Variants in PSMA6 observed in about 807,000 individuals in gnomAD.
The protein encoded by PSMA6 is proteasome subunit alpha type-6.
For missense variants in PSMA6, 170 were observed against 294.8 expected (o/e 0.58, Z 3.10); for synonymous variants, 88 against 97.7 (o/e 0.90, Z 0.59).
At chr14:35,308,191 G>C in intron 2 of PSMA6, 103 bp downstream of exon 2, 1 of 1,470,518 alleles carries the variant, frequency 6.8e-7, no homozygotes, top group East Asian at 2.7e-5. Flanking sequence ...GGAGGCTGAG[G>C]TGGGCAGATC....
upstream of PSMA6, among the ~76,000 whole-genome samples, chr14:35,291,897 T>G (rs564187350): frequency 1.3e-5 from 2 of 150,648 alleles, no homozygotes; most frequent in South Asian, 2.1e-4. Context: ...TGCCTGGCTG[T>G]CAGAAAATAA....
chr14:35,304,558 C>T (rs921845876), intron 1 of PSMA6, among the ~76,000 whole-genome samples: 3 of 152,022 alleles, frequency 2.0e-5, no homozygotes, highest in Admixed American at 6.6e-5. Context: ...GGCGAAACCT[C>T]GTCTCTACTA....
chr14:35,278,847 T>G (rs2051334266), intron 1 of PSMA6: 1 of 1,032,740 alleles, frequency 9.7e-7, no homozygotes, highest in African/African-American at 1.6e-5. Flanking sequence ...CTTTTTTTTC[T>G]ATCCTGTGTT....
chr14:35,283,768 A>T (rs1435615858), intron 1 of PSMA6, among the ~76,000 whole-genome samples: 1 of 151,968 alleles, frequency 6.6e-6, no homozygotes, highest in East Asian at 1.9e-4. Context: ...GGGTTTTGCC[A>T]TGTTGCCCAA....
chr14:35,290,595 T>C (rs2051466812), upstream of PSMA6, among the ~76,000 whole-genome samples: 1 of 152,218 alleles, frequency 6.6e-6, no homozygotes, highest in South Asian at 2.1e-4. Flanking sequence ...CATTTTTTCT[T>C]TAAAATAGAA....
At chr14:35,307,953 G>C in intron 1 of PSMA6, 41 bp from the exon 2 acceptor site, 1 of 1,573,724 alleles carries the variant, frequency 6.4e-7, no homozygotes, top group Non-Finnish European at 8.7e-7. Context: ...AGAATCTACA[G>C]TAATTTATTC....
At chr14:35,314,178 T>A in intron 5 of PSMA6, 183 bp from the exon 6 acceptor site, 1 of 518,580 alleles carries the variant, frequency 1.9e-6, no homozygotes, top group Non-Finnish European at 2.9e-6. Context: ...TTTGACTTGG[T>A]AGAAAAAAAT....
At chr14:35,280,961 A>G (rs1338013458) in intron 1 of PSMA6, among the ~76,000 whole-genome samples, 1 of 152,094 alleles carries the variant, frequency 6.6e-6, no homozygotes, top group Non-Finnish European at 1.5e-5. Context: ...TTAAACTTTC[A>G]AGTTCCTCAT....
At chr14:35,317,223 G>T in intron 6 of PSMA6, 26 bp from the exon 7 acceptor site, 1 of 1,605,978 alleles carries the variant, frequency 6.2e-7, no homozygotes, top group Non-Finnish European at 8.5e-7. Context: ...TTAAATCGTT[G>T]TTTTTTTCCC....
At chr14:35,279,110 C>T (rs1341424376) in intron 1 of PSMA6, among the ~76,000 whole-genome samples, 6 of 152,220 alleles carry the variant, frequency 3.9e-5, no homozygotes, top group South Asian at 2.1e-4. Flanking sequence ...TGCAGTGGCG[C>T]GATCTCGGCT....
At chr14:35,292,711 A>AC (rs2051509092) in intron 1 of PSMA6, 159 bp downstream of exon 1, 3 of 1,341,786 alleles carry the variant, frequency 2.2e-6, no homozygotes, top group Non-Finnish European at 3.0e-6. Flanking sequence ...TGGTGTTTGC[A>AC]CCCCCGTCTG....
Position 35,308,973 on chromosome 14 carries a change from T to G in PSMA6, c.231T>G (p.Gly77=), listed in dbSNP as rs751267235. The part of the protein sequence containing the change: ...THLFKITENI[G]CVMTGMTADS... ...TATTCAAGATAACTGAAAACATTGG[T>G]TGTGTGATGACCGGAATGACAGGTA... Residue 77 remains glycine, a synonymous_variant, in exon 3 of 7, where the codon GGT becomes GGG. Coordinates refer to ENST00000261479, the MANE Select transcript of PSMA6 (RefSeq NM_002791.3). 3.7e-6 allele frequency: 6 copies of G among 1,609,100 alleles called. No individual in the cohort carries two copies. In the South Asian group the frequency reaches 5.5e-5, roughly 15 times the overall value.
chr14:35,292,863 C>T (rs531594952), intron 1 of PSMA6: 6 of 524,070 alleles, frequency 1.1e-5, no homozygotes, highest in African/African-American at 1.1e-4. Flanking sequence ...GTATTCTGTC[C>T]TGGCCAGGCA....
intron 4 of PSMA6, among the ~76,000 whole-genome samples, chr14:35,311,842 G>T (rs1200145476): frequency 6.6e-6 from 1 of 152,122 alleles, no homozygotes; most frequent in East Asian, 1.9e-4. Context: ...GTGTAAAGGT[G>T]AGCAGGTAGC....
At chr14:35,281,516 C>A (rs957361982) in intron 1 of PSMA6, among the ~76,000 whole-genome samples, 2 of 152,144 alleles carry the variant, frequency 1.3e-5, no homozygotes, top group Admixed American at 6.6e-5. Context: ...CCCCGTGATG[C>A]CAATGCTGCA....
chr14:35,308,727 C>A, intron 2 of PSMA6, 187 bp from the exon 3 acceptor site: 1 of 491,212 alleles, frequency 2.0e-6, no homozygotes, highest in Non-Finnish European at 3.6e-6. Flanking sequence ...AAATAGAGCC[C>A]CTCGAAACTA....
intron 1 of PSMA6, among the ~76,000 whole-genome samples, chr14:35,283,031 G>A (rs1486916951): frequency 6.6e-6 from 1 of 152,010 alleles, no homozygotes; most frequent in Non-Finnish European, 1.5e-5. Flanking sequence ...TTTTAGTGGA[G>A]TCAGGGTTTC....
chr14:35,307,906 C>CTTTCTCA, intron 1 of PSMA6, 88 bp from the exon 2 acceptor site: 1 of 1,270,838 alleles, frequency 7.9e-7, no homozygotes. Flanking sequence ...TCATGTAGCT[C>CTTTCTCA]TTTCTCATTC....
chr14:35,293,666 G>C (rs1045224110), intron 1 of PSMA6, among the ~76,000 whole-genome samples: 4 of 152,200 alleles, frequency 2.6e-5, no homozygotes. Context: ...CATCTTGTTG[G>C]ATAATTCAGT....
Sources: gnomAD v4.1 joint callset for allele counts (sites outside exome capture counted in the v4.1 genomes callset) on GRCh38, gnomAD v4.1.1 for gene constraint, MANE v1.5 for transcripts, NCBI Gene and HGNC (gene_info 2026-07-23, HGNC 2026-07-21) for gene names.